KCNH1: variants seen among roughly 807,000 people sequenced by gnomAD.
KCNH1 encodes potassium voltage-gated channel subfamily H member 1, also known as voltage-gated delayed rectifier potassium channel KCNH1.
A neutral mutation model predicts 69.2 loss-of-function variants in KCNH1; 27 were observed. That is an observed-to-expected ratio of 0.39 (90% CI 0.29 to 0.54). The LOEUF (loss-of-function observed/expected upper bound fraction) is 0.54, where lower values mean the gene tolerates loss of function less well. KCNH1 is among the 20% of genes least tolerant of loss of function. The pLI, the probability that KCNH1 is intolerant of heterozygous loss-of-function variation, is 0.68. For missense variants in KCNH1, 798 were observed against 1,261.6 expected (o/e 0.63, Z 5.57); for synonymous variants, 456 against 487.7 (o/e 0.93, Z 0.86).
chr1:210,835,084 C>T (rs976375857), intron 7 of KCNH1, among the ~76,000 whole-genome samples: 1 of 152,176 alleles, frequency 6.6e-6, no homozygotes, highest in Non-Finnish European at 1.5e-5. Flanking sequence ...TGCCTAAAAA[C>T]TCATAGAATG....
chr1:211,130,941 C>CG (rs1691863840), intron 1 of KCNH1, among the ~76,000 whole-genome samples: 1 of 152,078 alleles, frequency 6.6e-6, no homozygotes, highest in African/African-American at 2.4e-5. Context: ...GGCTGTTAGC[C>CG]AAGATGGATG....
intron 7 of KCNH1, among the ~76,000 whole-genome samples, chr1:210,837,753 A>G (rs7527161): frequency 0.63 from 96,327 of 152,004 alleles, 31,652 homozygotes; most frequent in African/African-American, 0.81. Context: ...CTTAGCACCT[A>G]GATGCCTCAG....
At chr1:211,027,083 A>C (rs977856695) in intron 5 of KCNH1, among the ~76,000 whole-genome samples, 19 of 152,328 alleles carry the variant, frequency 1.2e-4, no homozygotes, top group African/African-American at 4.6e-4. Context: ...GGAAGACATC[A>C]AATGGAATGA....
intron 1 of KCNH1, among the ~76,000 whole-genome samples, chr1:211,120,950 A>C (rs1352720211): frequency 6.6e-6 from 1 of 152,190 alleles, no homozygotes; most frequent in African/African-American, 2.4e-5. Flanking sequence ...AAACTGAATA[A>C]AATACCTAGG....
chr1:210,694,945 C>T (rs1681606012), intron 10 of KCNH1, among the ~76,000 whole-genome samples: 1 of 152,194 alleles, frequency 6.6e-6, no homozygotes. Flanking sequence ...CTGAGCTGAT[C>T]TGGGAAACAG....
rs1476205671 is a variant in KCNH1 at position 210,844,176 on chromosome 1, T to G, written c.1463-40010A>C. On this transcript the variant is annotated intron_variant, in intron 7 of 10. Transcript: ENST00000271751. ...AAAAACACCTTGGTGATAAATAAGA[T>G]AATGTATATAAAAGTTCCTAACACT... is the stretch of plus-strand genomic sequence containing the variant. 2.6e-5 allele frequency among the ~76,000 whole-genome samples: 4 copies of G among 152,196 alleles called. No homozygotes were observed. The East Asian group carries it at 5.8e-4, about 22-fold the overall frequency.
At chr1:210,705,449 C>T (rs1261614804) in intron 10 of KCNH1, among the ~76,000 whole-genome samples, 1 of 152,144 alleles carries the variant, frequency 6.6e-6, no homozygotes, top group African/African-American at 2.4e-5. Flanking sequence ...AGCATCCATC[C>T]AAGCAACAGT....
In KCNH1 at chr1:210,865,520, A is replaced by G. The variant is rs866083885; in HGVS notation, c.1462+54120T>C. ...GGGCAGTAGGAATAAGGTAGCAAAG[A>G]AAAAAAAAAGGCAGCTGTTCATTTG... On this transcript the variant is annotated intron_variant, in intron 7 of 10. Coordinates refer to ENST00000271751, the MANE Select transcript of KCNH1 (RefSeq NM_172362.3). Among the ~76,000 whole-genome samples the G allele has an allele frequency of 3.4e-5, 5 of 149,082 alleles. No homozygotes were observed. The South Asian group carries it at 1.1e-3, about 32-fold the overall frequency.
chr1:210,894,770 A>G (rs1574323559), intron 7 of KCNH1, among the ~76,000 whole-genome samples: 1 of 152,188 alleles, frequency 6.6e-6, no homozygotes, highest in East Asian at 1.9e-4. Context: ...ATGATGCATC[A>G]TGAAGGCCCT....
intron 7 of KCNH1, among the ~76,000 whole-genome samples, chr1:210,810,665 C>T (rs1425642946): frequency 6.6e-6 from 1 of 151,878 alleles, no homozygotes; most frequent in Admixed American, 6.6e-5. Context: ...TTTTCATTGT[C>T]TGAATGTTCC....
intron 6 of KCNH1, among the ~76,000 whole-genome samples, chr1:211,012,153 GA>G (rs1417227656): frequency 6.6e-6 from 1 of 152,082 alleles, no homozygotes; most frequent in Non-Finnish European, 1.5e-5. Flanking sequence ...AAATGCCAAG[GA>G]AAAAAGAAGG....
In KCNH1 at chr1:210,919,732, G is replaced by A; in HGVS notation, c.1370C>T (p.Thr457Ile). The A allele has an allele frequency of 6.2e-7, 1 of 1,614,144 alleles. No individual in the cohort carries two copies. Among genetic ancestry groups the A allele is most frequent in the Non-Finnish European group, 8.5e-7 (1 of 1,180,012 alleles). ...GCCCACACTGGTGAGGCTGGTCATTGTGAAATACAACGAGGAGATGTAGAC... is the reference window on the plus strand; with the variant it reads ...GCCCACACTGGTGAGGCTGGTCATTATGAAATACAACGAGGAGATGTAGAC... ...NSVYISSLYF[T>I]MTSLTSVGFG... The change falls in exon 7 of 11, where the codon ACA (threonine) becomes ATA (isoleucine). Residue 457 changes from threonine to isoleucine, a missense_variant. By Grantham distance (89) the Thr-to-Ile change is moderately conservative. Transcript: ENST00000271751. The surrounding 1 kb of genome is among the most constrained non-coding windows in gnomAD (Gnocchi z 4.2).
At chr1:211,111,495 G>C (rs904352699) in intron 1 of KCNH1, among the ~76,000 whole-genome samples, 3 of 146,714 alleles carry the variant, frequency 2.0e-5, no homozygotes, top group Non-Finnish European at 4.5e-5. Context: ...AAGTGAGAAC[G>C]GCCTCTCCTT....
In KCNH1 at chr1:210,978,361, T is replaced by G. The variant is rs572499310; in HGVS notation, c.1032+40422A>C. Among the ~76,000 whole-genome samples, 5 of 152,286 alleles carry G rather than the reference T, an allele frequency of 3.3e-5. No homozygotes were observed. In the South Asian group the frequency reaches 1.0e-3, roughly 32 times the overall value. On this transcript the variant is annotated intron_variant, in intron 6 of 10. Coordinates refer to ENST00000271751, the MANE Select transcript of KCNH1 (RefSeq NM_172362.3). ...CCTCCTTTAATTCTTTAAATATAGT[T>G]GCATGTAGTTTCTTGAACATGTTTA... is the stretch of plus-strand genomic sequence containing the variant.
chr1:210,944,028 A>C (rs1004809110), intron 6 of KCNH1, among the ~76,000 whole-genome samples: 2 of 152,166 alleles, frequency 1.3e-5, no homozygotes, highest in Non-Finnish European at 2.9e-5. Context: ...CAAAGTAGGC[A>C]CTAAAAGACT....
chr1:210,864,847 T>C (rs1329223545), intron 7 of KCNH1, among the ~76,000 whole-genome samples: 2 of 152,250 alleles, frequency 1.3e-5, no homozygotes, highest in Non-Finnish European at 2.9e-5. Context: ...GAATCATCTA[T>C]GAGCCAGTTC....
chr1:210,867,228 TATTGA>T (rs1344610904), intron 7 of KCNH1, among the ~76,000 whole-genome samples: 1 of 151,852 alleles, frequency 6.6e-6, no homozygotes, highest in Non-Finnish European at 1.5e-5. Flanking sequence ...TACTTAAAAC[TATTGA>T]ATTGTACATT....
At chr1:210,747,328 G>T (rs1291060821) in intron 10 of KCNH1, among the ~76,000 whole-genome samples, 1 of 151,992 alleles carries the variant, frequency 6.6e-6, no homozygotes, top group African/African-American at 2.4e-5. Context: ...CAGCTGCTCG[G>T]CAACCGAGAT....
intron 7 of KCNH1, among the ~76,000 whole-genome samples, chr1:210,819,431 C>T (rs977994227): frequency 6.6e-6 from 1 of 152,072 alleles, no homozygotes; most frequent in Admixed American, 6.6e-5. Flanking sequence ...AGGAGGGAAG[C>T]GAGCCTTCAC....
Sources: gnomAD v4.1 joint callset for allele counts (sites outside exome capture counted in the v4.1 genomes callset) on GRCh38, gnomAD v4.1.1 for gene constraint, Gnocchi (gnomAD v3.1) non-coding constraint, MANE v1.5 for transcripts, NCBI Gene and HGNC (gene_info 2026-07-23, HGNC 2026-07-21) for gene names.